The following CAPZB variants were observed in gnomAD, a reference collection of about 807,000 sequenced individuals.
CAPZB encodes the protein capping actin protein of muscle Z-line subunit beta, also known as F-actin-capping protein subunit beta.
CAPZB carries 2 observed loss-of-function variants against 38.1 expected under a neutral mutation model. The ratio of observed to expected loss-of-function variants is 0.05; its 90% CI spans 0.02 to 0.17. The LOEUF is 0.17. CAPZB is among the 10% of genes least tolerant of loss of function. CAPZB has a pLI of 1.00. For synonymous variants in CAPZB, 107 were observed against 127.4 expected (o/e 0.84, Z 1.08); for missense variants, 161 against 334.2 (o/e 0.48, Z 4.04).
chr1:19,375,747 G>T (rs1040143869), intron 4 of CAPZB, among the ~76,000 whole-genome samples: 4 of 152,224 alleles, frequency 2.6e-5, no homozygotes, highest in African/African-American at 7.2e-5. Context: ...CGTGAAGAGT[G>T]AGGCCTTAGC....
intron 2 of CAPZB, among the ~76,000 whole-genome samples, chr1:19,398,158 G>A (rs1189145121): frequency 2.1e-5 from 3 of 143,760 alleles, no homozygotes; most frequent in African/African-American, 7.4e-5. Context: ...AAGTCCGAGA[G>A]GATCTGCTCC....
chr1:19,484,345 G>A, intron 1 of CAPZB: 1 of 1,567,032 alleles, frequency 6.4e-7, no homozygotes, highest in Non-Finnish European at 8.6e-7. Context: ...TCACAAGGGC[G>A]ATTGTGCGTT....
In CAPZB at chr1:19,356,952, C is replaced by A. The variant is rs2094024611; in HGVS notation, c.472-201G>T. ...TCTCAAGTCACTGCAGCCTCCACCT[C>A]CCAGGTTCAAGCGATTCTCCTGCCT... On this transcript the variant is annotated intron_variant, in intron 5 of 8. Transcript: ENST00000264202. The surrounding 1 kb of genome is among the most constrained non-coding windows in gnomAD (Gnocchi z 4.3). Among the ~76,000 whole-genome samples, 1 of 152,134 alleles carries A rather than the reference C, an allele frequency of 6.6e-6. No individual in the cohort carries two copies. Among genetic ancestry groups the A allele is most frequent in the South Asian group, 2.1e-4 (1 of 4,832 alleles).
At chr1:19,343,710 G>C (rs535172675) in intron 8 of CAPZB, among the ~76,000 whole-genome samples, 3 of 152,348 alleles carry the variant, frequency 2.0e-5, no homozygotes, top group East Asian at 3.9e-4. Flanking sequence ...TGCTCTGTCC[G>C]CCGTGGACCT....
intron 1 of CAPZB, chr1:19,484,249 G>A (rs201820417): frequency 4.1e-4 from 655 of 1,612,566 alleles, no homozygotes; most frequent in East Asian, 3.5e-3. Flanking sequence ...CAGTTCAGAG[G>A]GAAGGGGAGG....
chr1:19,354,520 G>A (rs2094009656), intron 6 of CAPZB, among the ~76,000 whole-genome samples: 1 of 152,204 alleles, frequency 6.6e-6, no homozygotes, highest in Non-Finnish European at 1.5e-5. Context: ...TTAGAATGAT[G>A]GCAGAGCATT....
At chr1:19,466,240 C>T (rs969414351) in intron 1 of CAPZB, among the ~76,000 whole-genome samples, 2 of 152,208 alleles carry the variant, frequency 1.3e-5, no homozygotes, top group Non-Finnish European at 2.9e-5. Context: ...TTCACTCCCA[C>T]ACTGGGGAGG....
intron 1 of CAPZB, among the ~76,000 whole-genome samples, chr1:19,431,610 A>C (rs575844504): frequency 1.2e-4 from 18 of 152,258 alleles, no homozygotes; most frequent in African/African-American, 4.3e-4. Flanking sequence ...AGTCCCAGCT[A>C]CTTGGGAGGC....
intron 6 of CAPZB, among the ~76,000 whole-genome samples, chr1:19,355,865 G>C (rs2094018135): frequency 6.6e-6 from 1 of 152,206 alleles, no homozygotes; most frequent in Admixed American, 6.5e-5. Flanking sequence ...AAAGGGTCCT[G>C]AACATGGACC....
At chr1:19,393,625 C>T (rs967796806) in intron 2 of CAPZB, among the ~76,000 whole-genome samples, 1 of 152,238 alleles carries the variant, frequency 6.6e-6, no homozygotes, top group African/African-American at 2.4e-5. Flanking sequence ...CCCCCATCCC[C>T]AGTCAGGCTC....
intron 2 of CAPZB, among the ~76,000 whole-genome samples, chr1:19,389,285 A>G (rs1345389619): frequency 2.0e-5 from 3 of 152,076 alleles, no homozygotes; most frequent in East Asian, 3.9e-4. Flanking sequence ...CTCCCTGAAC[A>G]TGCACGTGCA....
Position 19,339,388 on chromosome 1 carries a change from A to C in CAPZB, c.*142T>G, listed in dbSNP as rs1395439045. The C allele has an allele frequency of 2.8e-6, 2 of 712,040 alleles. No homozygotes were observed. Among genetic ancestry groups the C allele is most frequent in the Non-Finnish European group, 5.1e-6 (2 of 393,970 alleles). The allele number at this position is 712,040 out of a possible 1,614,324, so 44.1% of individuals were successfully genotyped here. On this transcript the variant is annotated 3_prime_UTR_variant, in exon 9 of 9. Transcript: ENST00000264202. The stretch of plus-strand genomic sequence containing the variant: ...GGCTATCGGCTTTATTCTCAGGGAG[A>C]GATGGCGCTGTGCGGTCAATGATGC...
chr1:19,383,132 AG>A (rs1298097829), intron 3 of CAPZB, among the ~76,000 whole-genome samples: 2 of 141,454 alleles, frequency 1.4e-5, no homozygotes, highest in East Asian at 2.1e-4. Flanking sequence ...AAAAAAAAAA[AG>A]GAGAGAGAAA....
intron 1 of CAPZB, among the ~76,000 whole-genome samples, chr1:19,458,283 T>C (rs965529614): frequency 1.3e-5 from 2 of 152,204 alleles, no homozygotes; most frequent in Non-Finnish European, 2.9e-5. Flanking sequence ...TTTTAATACT[T>C]TTATGAAAGT....
intron 1 of CAPZB, among the ~76,000 whole-genome samples, chr1:19,454,886 G>C (rs1278416652): frequency 6.6e-6 from 1 of 152,234 alleles, no homozygotes; most frequent in Non-Finnish European, 1.5e-5. Flanking sequence ...CAGCATGAAA[G>C]TGCCTCTGCT....
intron 1 of CAPZB, among the ~76,000 whole-genome samples, chr1:19,457,013 GT>G (rs1221283364): frequency 6.6e-6 from 1 of 152,200 alleles, no homozygotes; most frequent in Non-Finnish European, 1.5e-5. Context: ...CTCTGTGTGT[GT>G]TGGAGGGTAG....
chr1:19,375,961 C>T (rs1385221198), intron 4 of CAPZB, among the ~76,000 whole-genome samples: 2 of 152,170 alleles, frequency 1.3e-5, no homozygotes, highest in African/African-American at 4.8e-5. Flanking sequence ...CAGAACCATA[C>T]ACCATGTATC....
intron 1 of CAPZB, among the ~76,000 whole-genome samples, chr1:19,431,716 G>T (rs903817319): frequency 6.7e-6 from 1 of 149,298 alleles, no homozygotes. Flanking sequence ...GTGAGACTCC[G>T]TCTCAAAAAA....
At chr1:19,425,530 A>C (rs1413873506) in intron 1 of CAPZB, among the ~76,000 whole-genome samples, 1 of 152,174 alleles carries the variant, frequency 6.6e-6, no homozygotes, top group Non-Finnish European at 1.5e-5. Flanking sequence ...GCAAGGCTCC[A>C]AGGGGTAGGT....
Sources: allele counts gnomAD v4.1 joint callset (sites outside exome capture counted in the v4.1 genomes callset), GRCh38; gene constraint gnomAD v4.1.1; non-coding constraint Gnocchi (gnomAD v3.1); transcripts MANE v1.5; gene names NCBI Gene and HGNC (gene_info 2026-07-23, HGNC 2026-07-21).